The following AHR variants were observed in gnomAD, a reference collection of about 807,000 sequenced individuals.
The protein encoded by AHR is AH-receptor.
Under a neutral mutation model 86.8 loss-of-function variants are expected in AHR, and 40 were observed. The ratio of observed to expected loss-of-function variants is 0.46; its 90% CI spans 0.36 to 0.60. The LOEUF (loss-of-function observed/expected upper bound fraction) is 0.60, where lower values mean the gene tolerates loss of function less well. Among genes scored for constraint, AHR ranks in the 20% least tolerant of loss-of-function variants. The pLI, the probability that AHR is intolerant of heterozygous loss-of-function variation, is 0.00. For synonymous variants in AHR, 398 were observed against 354.9 expected (o/e 1.12, Z -1.37); for missense variants, 1,001 against 1,011.6 (o/e 0.99, Z 0.14).
chr7:17,339,224 A>G lies in AHR; in HGVS notation c.1399A>G (p.Ile467Val), dbSNP rs1362497153. The G allele has an allele frequency of 9.3e-6, 15 of 1,614,074 alleles. No homozygotes were observed. The highest frequency in any genetic ancestry group is 6.7e-5 in the African/African-American group (5 of 74,938). Residue 467 changes from isoleucine (I) to valine (V), a missense_variant, in exon 10 of 11, where the codon ATT becomes GTT. Around this residue, in one of 2 missense-constraint regions of AHR, gnomAD observed 607 missense variants for 543.1 expected, o/e 1.12. Transcript: ENST00000242057. ...TGCCATGATGCAACAAGATGAGTCT[A>G]TTTATCTCTATCCTGCTTCAAGTAC... is the stretch of plus-strand genomic sequence containing the variant. ...LAAMMQQDES[I>V]YLYPASSTSS...
intron 3 of AHR, among the ~76,000 whole-genome samples, chr7:17,324,030 T>C (rs937541144): frequency 1.3e-5 from 2 of 152,174 alleles, no homozygotes; most frequent in Non-Finnish European, 2.9e-5. Flanking sequence ...TTTATTTTTT[T>C]CCCAAAACAT....
chr7:17,330,954 T>G, intron 6 of AHR, 68 bp downstream of exon 6: 10 of 1,526,090 alleles, frequency 6.6e-6, no homozygotes, highest in Non-Finnish European at 7.2e-6. Flanking sequence ...GCAAATTTAA[T>G]TTAGCAAAAT....
rs1224444684 is a variant in AHR, at chr7:17,338,974, A to G, written c.1161-12A>G. 2 of 1,539,174 alleles carry G rather than the reference A, an allele frequency of 1.3e-6. No homozygotes were observed. Among genetic ancestry groups the G allele is most frequent in the Admixed American group, 4.2e-5 (2 of 47,866 alleles). ...GAATTTTTTTCTAAGACTTTTTTGT[A>G]CACAATTTTAGAGATGAGGAAGGAA... On this transcript the variant is annotated splice_polypyrimidine_tract_variant and intron_variant, in intron 9 of 10. Transcript: ENST00000242057.
At chr7:17,328,514 A>T (rs1375635837) in intron 4 of AHR, among the ~76,000 whole-genome samples, 1 of 151,978 alleles carries the variant, frequency 6.6e-6, no homozygotes, top group Non-Finnish European at 1.5e-5. Flanking sequence ...AATGCTTGCT[A>T]TTCTCATATA....
chr7:17,312,812 AC>A (rs1175820273), intron 2 of AHR, among the ~76,000 whole-genome samples: 4 of 152,196 alleles, frequency 2.6e-5, no homozygotes, highest in Non-Finnish European at 5.9e-5. Flanking sequence ...CATAAGAATT[AC>A]CTAGAAAGCT....
chr7:17,299,900 G>C (rs1284948548), intron 1 of AHR, among the ~76,000 whole-genome samples: 1 of 152,194 alleles, frequency 6.6e-6, no homozygotes, highest in Non-Finnish European at 1.5e-5. Context: ...AGCGCTCATC[G>C]TGACCATATC....
chr7:17,299,819 A>C (rs1781936627), intron 1 of AHR, among the ~76,000 whole-genome samples: 2 of 152,194 alleles, frequency 1.3e-5, no homozygotes, highest in African/African-American at 4.8e-5. Flanking sequence ...AGTGCCTCTA[A>C]AGGTACTTTT....
intron 9 of AHR, among the ~76,000 whole-genome samples, chr7:17,338,016 G>A (rs1429469105): frequency 6.6e-6 from 1 of 150,914 alleles, no homozygotes; most frequent in Non-Finnish European, 1.5e-5. Flanking sequence ...TGGCTAACAC[G>A]GTGAAACCCC....
At chr7:17,330,732 T>G in intron 5 of AHR, 24 bp from the exon 6 acceptor site, 1 of 1,525,852 alleles carries the variant, frequency 6.6e-7, no homozygotes, top group Non-Finnish European at 8.8e-7. Flanking sequence ...GAAAGTAAAT[T>G]TTGTTTTGCC....
intron 2 of AHR, among the ~76,000 whole-genome samples, chr7:17,318,155 T>A (rs1782134951): frequency 6.6e-6 from 1 of 152,154 alleles, no homozygotes; most frequent in South Asian, 2.1e-4. Flanking sequence ...TCTTTCTGTT[T>A]AAATGCAAAC....
chr7:17,306,295 G>T (rs1184351066), intron 1 of AHR, among the ~76,000 whole-genome samples: 2 of 152,156 alleles, frequency 1.3e-5, no homozygotes, highest in African/African-American at 2.4e-5. Flanking sequence ...TCTTCAAGAT[G>T]TATGGATAGA....
At chr7:17,311,541 T>C (rs760130141) in intron 2 of AHR, among the ~76,000 whole-genome samples, 2 of 152,240 alleles carry the variant, frequency 1.3e-5, no homozygotes, top group Non-Finnish European at 2.9e-5. Flanking sequence ...ATCTTTTTAT[T>C]GATTTGCTTG....
At chr7:17,335,911 A>G (rs992496416) in intron 9 of AHR, 125 bp downstream of exon 9, 16 of 977,956 alleles carry the variant, frequency 1.6e-5, no homozygotes, top group Non-Finnish European at 2.2e-5. Context: ...TAATTCATCT[A>G]GAAAGAAGAG....
At chr7:17,341,900 A>T (rs962697069) in intron 10 of AHR, among the ~76,000 whole-genome samples, 2 of 152,156 alleles carry the variant, frequency 1.3e-5, no homozygotes, top group Non-Finnish European at 2.9e-5. Flanking sequence ...GAATGGTGAC[A>T]TGAATTGTGT....
chr7:17,305,906 T>G (rs752918416), intron 1 of AHR, among the ~76,000 whole-genome samples: 13 of 152,182 alleles, frequency 8.5e-5, no homozygotes, highest in Non-Finnish European at 1.5e-4. Flanking sequence ...GGCATACTGT[T>G]GGGCCTGTTA....
chr7:17,321,735 C>T (rs1056618592), intron 2 of AHR, among the ~76,000 whole-genome samples: 3 of 151,824 alleles, frequency 2.0e-5, no homozygotes, highest in African/African-American at 7.3e-5. Context: ...AAAAGCTATA[C>T]CGGAAAAGCC....
At chr7:17,337,355 C>T (rs1309180005) in intron 9 of AHR, among the ~76,000 whole-genome samples, 1 of 151,312 alleles carries the variant, frequency 6.6e-6, no homozygotes, top group Non-Finnish European at 1.5e-5. Context: ...TATCAGAAGT[C>T]TAGTTTGTTA....
Position 17,327,803 on chromosome 7 carries a change from C to A in AHR, c.405C>A (p.Val135=). The part of the protein sequence containing the change: ...FVLVVTTDAL[V]FYASSTIQDY... ...TAGTTGTCACTACAGATGCTTTGGT[C>A]TTTTATGCTTCTTCTACTATACAAG... The change falls in exon 4 of 11, where the codon GTC becomes GTA. Residue 135 remains valine (V), a synonymous_variant. Transcript: ENST00000242057. 1 of 1,577,798 alleles carries A rather than the reference C, an allele frequency of 6.3e-7. No homozygotes were observed. Among genetic ancestry groups the A allele is most frequent in the Non-Finnish European group, 8.6e-7 (1 of 1,157,126 alleles).
intron 10 of AHR, among the ~76,000 whole-genome samples, chr7:17,341,090 A>G (rs1286886972): frequency 6.6e-6 from 1 of 152,156 alleles, no homozygotes; most frequent in African/African-American, 2.4e-5. Flanking sequence ...ATTTTAAAGT[A>G]TATTTAAGTT....
Sources: gnomAD v4.1 joint callset for allele counts (sites outside exome capture counted in the v4.1 genomes callset) on GRCh38, gnomAD v4.1.1 for gene constraint, gnomAD v4.1.1 regional missense constraint, MANE v1.5 for transcripts, NCBI Gene and HGNC (gene_info 2026-07-23, HGNC 2026-07-21) for gene names.